CSNK1G1: variants seen among roughly 807,000 people sequenced by gnomAD.
The protein encoded by CSNK1G1 is casein kinase I isoform gamma-1.
In CSNK1G1, 22 loss-of-function variants were observed where a neutral mutation model predicts 59.6. The observed-to-expected ratio is 0.37, with a 90% CI of 0.26 to 0.53. The LOEUF is 0.53. Ranked by LOEUF, CSNK1G1 falls within the 20% of genes least tolerant of loss-of-function variation. The probability of loss-of-function intolerance (pLI) is 0.89; values close to 1 mark genes in which losing one functional copy is unlikely to be tolerated. For synonymous variants in CSNK1G1, 179 were observed against 177.1 expected (o/e 1.01, Z -0.08); for missense variants, 384 against 519.5 (o/e 0.74, Z 2.54).
At chr15:64,237,600 T>C (rs950360885) in intron 4 of CSNK1G1, among the ~76,000 whole-genome samples, 1 of 152,236 alleles carries the variant, frequency 6.6e-6, no homozygotes, top group Non-Finnish European at 1.5e-5. Context: ...GAAGTTTGTA[T>C]TCTTGAATTC....
intron 4 of CSNK1G1, among the ~76,000 whole-genome samples, chr15:64,224,633 C>A (rs886492148): frequency 2.0e-5 from 3 of 152,080 alleles, no homozygotes; most frequent in African/African-American, 7.2e-5. Context: ...ATAACAAAAA[C>A]AGCTAGGCCC....
chr15:64,172,769 G>C (rs1246761802), intron 11 of CSNK1G1, among the ~76,000 whole-genome samples: 2 of 152,174 alleles, frequency 1.3e-5, no homozygotes, highest in Non-Finnish European at 2.9e-5. Context: ...GCCTTGTTTA[G>C]GATGGAGGTG....
At position 64,300,404 on chromosome 15, in the gene CSNK1G1, T is replaced by C. The variant is rs35105746; in HGVS notation, c.96A>G (p.Ser32=). The change falls in exon 2 of 12, where the codon TCA becomes TCG. Residue 32 remains serine, a synonymous_variant. Coordinates refer to ENST00000303052, the MANE Select transcript of CSNK1G1 (RefSeq NM_022048.5). Reference sequence around the variant, plus strand: ...CCACCATAAGAACCCCAGAGGACGATGAGGAGCCAGATGGTCGAGAGCAGT... The same window carrying C: ...CCACCATAAGAACCCCAGAGGACGACGAGGAGCCAGATGGTCGAGAGCAGT... ...SAHCSRPSGS[S]SSSGVLMVGP... is the part of the protein sequence containing the mutation. The C allele has an allele frequency of 4.2e-3, 6,773 of 1,614,058 alleles. 26 individuals are homozygous for C. The highest frequency in any genetic ancestry group is 4.5e-3 in the Non-Finnish European group (5,278 of 1,179,928).
In CSNK1G1 at chr15:64,300,516, G is replaced by C; in HGVS notation, c.-17C>G. On this transcript the variant is annotated 5_prime_UTR_variant, in exon 2 of 12. Coordinates refer to ENST00000303052, the MANE Select transcript of CSNK1G1 (RefSeq NM_022048.5). ...ATGGTCCATGATCCTACAGGACAGA[G>C]TCTCCTATAGTACAGCAAGTAGCTT... 1.9e-6 allele frequency: 3 copies of C among 1,610,340 alleles called. No homozygotes were observed. The highest frequency in any genetic ancestry group is 2.5e-6 in the Non-Finnish European group (3 of 1,177,796).
intron 2 of CSNK1G1, among the ~76,000 whole-genome samples, chr15:64,299,776 T>G (rs1356056178): frequency 6.6e-6 from 1 of 152,094 alleles, no homozygotes; most frequent in African/African-American, 2.4e-5. Context: ...AGTTCTAACT[T>G]AATTCTAATG....
chr15:64,279,425 G>A (rs1374187708), intron 2 of CSNK1G1, among the ~76,000 whole-genome samples: 11 of 152,004 alleles, frequency 7.2e-5, no homozygotes, highest in East Asian at 1.9e-4. Flanking sequence ...GATTACGTCC[G>A]TGAGATTCAT....
chr15:64,227,941 C>G (rs970450311), intron 4 of CSNK1G1, among the ~76,000 whole-genome samples: 2 of 152,208 alleles, frequency 1.3e-5, no homozygotes, highest in Non-Finnish European at 2.9e-5. Context: ...CCCAACCCAA[C>G]TCTTCCAAAC....
At chr15:64,351,828 G>A (rs979457838) in intron 1 of CSNK1G1, among the ~76,000 whole-genome samples, 1 of 152,148 alleles carries the variant, frequency 6.6e-6, no homozygotes, top group Non-Finnish European at 1.5e-5. Context: ...GCAGTAAGCT[G>A]AGCCTGGGCA....
chr15:64,217,308 G>A (rs1372642802), intron 4 of CSNK1G1, among the ~76,000 whole-genome samples: 1 of 152,176 alleles, frequency 6.6e-6, no homozygotes, highest in Non-Finnish European at 1.5e-5. Context: ...CAGACACTTA[G>A]TGTTTGGTTG....
Position 64,249,053 on chromosome 15 carries a change from C to T in CSNK1G1, c.292+2459G>A, listed in dbSNP as rs552979302. Among the ~76,000 whole-genome samples the T allele has an allele frequency of 5.3e-5, 8 of 152,258 alleles. No homozygotes were observed. In the East Asian group the frequency reaches 7.7e-4, roughly 15 times the overall value. Reference sequence around the variant, plus strand: ...AGGAGAATGGCGTGAACCCGGGAAGCGGAAGTTGCAGTGAGCCGAGATAGT... The same window carrying T: ...AGGAGAATGGCGTGAACCCGGGAAGTGGAAGTTGCAGTGAGCCGAGATAGT... On this transcript the variant is annotated intron_variant, in intron 4 of 11. Transcript: ENST00000303052.
intron 1 of CSNK1G1, among the ~76,000 whole-genome samples, chr15:64,306,362 C>T (rs534293312): frequency 6.6e-4 from 101 of 152,170 alleles, no homozygotes; most frequent in East Asian, 1.7e-3. Context: ...AGAAGATATA[C>T]GGATGGCAAA....
At chr15:64,199,012 T>G (rs1365625872) in intron 10 of CSNK1G1, among the ~76,000 whole-genome samples, 1 of 149,464 alleles carries the variant, frequency 6.7e-6, no homozygotes, top group African/African-American at 2.5e-5. Flanking sequence ...GAGGCAGAGG[T>G]GGGCAGATTG....
rs561291486 is a variant in CSNK1G1, at chr15:64,287,240, C to T, written c.181+13079G>A. Among the ~76,000 whole-genome samples, 10 of 152,216 alleles carry T rather than the reference C, an allele frequency of 6.6e-5. No homozygotes were observed. In the South Asian group the frequency reaches 1.2e-3, roughly 19 times the overall value. On this transcript the variant is annotated intron_variant, in intron 2 of 11. Coordinates refer to ENST00000303052, the MANE Select transcript of CSNK1G1 (RefSeq NM_022048.5). ...TTTTTAATTTCTCTCATCTTTAAAA[C>T]GATGACAGTTGAACTAGACAATGCT...
Position 64,214,691 on chromosome 15 carries a change from C to CT in CSNK1G1, c.445-568dup, listed in dbSNP as rs1596105105. On this transcript the variant is annotated intron_variant, in intron 5 of 11. Coordinates refer to ENST00000303052, the MANE Select transcript of CSNK1G1 (RefSeq NM_022048.5). This position sits in a 1 kb window ranked among gnomAD's most constrained non-coding sequence, Gnocchi z 4.3. ...ATTATTATTATTTTTGAGACGGAGT[C>CT]TTGCTCTGTCACCCAGGGTGGAGTG... 4.6e-5 allele frequency among the ~76,000 whole-genome samples: 7 copies of CT among 152,220 alleles called. No individual in the cohort carries two copies. The East Asian group carries it at 9.6e-4, about 21-fold the overall frequency.
chr15:64,303,698 C>T (rs1004126572), intron 1 of CSNK1G1, among the ~76,000 whole-genome samples: 2 of 149,608 alleles, frequency 1.3e-5, no homozygotes, highest in African/African-American at 4.9e-5. Context: ...TGCAGTGAGC[C>T]GAGATCATGC....
intron 1 of CSNK1G1, among the ~76,000 whole-genome samples, chr15:64,353,429 G>A (rs187237320): frequency 2.7e-5 from 4 of 150,310 alleles, no homozygotes; most frequent in East Asian, 4.8e-4. Flanking sequence ...GGTGGATCAC[G>A]AGGTCAGGAG....
At chr15:64,222,340 C>T (rs902069246) in intron 4 of CSNK1G1, among the ~76,000 whole-genome samples, 1 of 150,022 alleles carries the variant, frequency 6.7e-6, no homozygotes, top group South Asian at 2.1e-4. Context: ...ACCACCATGG[C>T]ACACATGTAC....
intron 2 of CSNK1G1, among the ~76,000 whole-genome samples, chr15:64,296,195 A>G (rs1895012038): frequency 6.6e-6 from 1 of 152,150 alleles, no homozygotes; most frequent in Non-Finnish European, 1.5e-5. Flanking sequence ...ATCTTGGCTC[A>G]TGGTAGCATC....
intron 1 of CSNK1G1, among the ~76,000 whole-genome samples, chr15:64,306,688 A>G (rs1264689872): frequency 2.0e-5 from 3 of 152,234 alleles, no homozygotes; most frequent in African/African-American, 7.2e-5. Flanking sequence ...CTAAACGTTT[A>G]CAGCAGCTTC....
Sources: gnomAD v4.1 joint callset for allele counts (sites outside exome capture counted in the v4.1 genomes callset) on GRCh38, gnomAD v4.1.1 for gene constraint, Gnocchi (gnomAD v3.1) non-coding constraint, MANE v1.5 for transcripts, NCBI Gene and HGNC (gene_info 2026-07-23, HGNC 2026-07-21) for gene names.